Variants in S100PBP observed in about 807,000 individuals in gnomAD.
The protein encoded by S100PBP is S100P binding protein.
Under a neutral mutation model 39.9 loss-of-function variants are expected in S100PBP, and 15 were observed. The ratio of observed to expected loss-of-function variants is 0.38; its 90% confidence interval spans 0.25 to 0.58. The LOEUF is 0.58. Among genes scored for constraint, S100PBP ranks in the 20% least tolerant of loss-of-function variants. The pLI, the probability that S100PBP is intolerant of heterozygous loss-of-function variation, is 0.70. For missense variants in S100PBP, 504 were observed against 487.3 expected (o/e 1.03, Z -0.32); for synonymous variants, 178 against 180.3 (o/e 0.99, Z 0.10).
At chr1:32,817,228 C>T (rs751101041), upstream of S100PBP, 4 of 1,614,186 alleles carry the variant, frequency 2.5e-6, no homozygotes, top group Non-Finnish European at 3.4e-6. Context: ...CTCTTCAGGG[C>T]TGGGAGCGTC....
At chr1:32,817,019 G>C, upstream of S100PBP, 1 of 822,654 alleles carries the variant, frequency 1.2e-6, no homozygotes, top group Non-Finnish European at 2.0e-6. Flanking sequence ...CCCAGGGAAG[G>C]GCTGCTTGAT....
rs763001881 is a variant in S100PBP at position 32,826,676 on chromosome 1, C to G, written c.577C>G (p.Leu193Val). The G allele has an allele frequency of 4.3e-6, 7 of 1,614,052 alleles. No individual in the cohort carries two copies. In the East Asian group the frequency reaches 1.1e-4, roughly 26 times the overall value. The change falls in exon 3 of 7, where the codon CTT becomes GTT. Residue 193 changes from leucine (L) to valine (V), a missense_variant. Coordinates refer to ENST00000373475, the MANE Select transcript of S100PBP (RefSeq NM_022753.4). Reference sequence around the variant, plus strand: ...TGGTCTTAGCCCAAATGAAAGCAAACTTTGTACTGAATCTGAAGGGATCAG... The same window carrying G: ...TGGTCTTAGCCCAAATGAAAGCAAAGTTTGTACTGAATCTGAAGGGATCAG... ...EDGLSPNESKLCTESEGISPN... is the reference protein window; with the variant it reads ...EDGLSPNESKVCTESEGISPN...
chr1:32,820,352 G>A (rs6702920), intron 1 of S100PBP, among the ~76,000 whole-genome samples: 10 of 151,892 alleles, frequency 6.6e-5, no homozygotes, highest in Non-Finnish European at 1.3e-4. Flanking sequence ...CACCATGTTG[G>A]CCAGGCTGGT....
In S100PBP at chr1:32,830,055, G is replaced by A; in HGVS notation, c.1012G>A (p.Asp338Asn). ...SVIAHIEDPE[D>N]TNQGISGELC... is the part of the protein sequence containing the mutation. Reference sequence around the variant, plus strand: ...CATTGCTCATATAGAAGACCCAGAGGACACTAACCAAGGTAACATGGTACC... The same window carrying A: ...CATTGCTCATATAGAAGACCCAGAGAACACTAACCAAGGTAACATGGTACC... Residue 338 changes from aspartate (D) to asparagine (N), a missense_variant, in exon 5 of 7, where the codon GAC (aspartate) becomes AAC (asparagine). By Grantham distance (23) the Asp-to-Asn change is conservative (BLOSUM62 1). Transcript: ENST00000373475. 10 of 1,604,812 alleles carry A rather than the reference G, an allele frequency of 6.2e-6. No homozygotes were observed. Among genetic ancestry groups the A allele is most frequent in the Non-Finnish European group, 8.5e-6 (10 of 1,171,816 alleles).
At chr1:32,831,288 A>C (rs758084209) in intron 5 of S100PBP, among the ~76,000 whole-genome samples, 49 of 152,102 alleles carry the variant, frequency 3.2e-4, no homozygotes, top group Middle Eastern at 3.4e-3. Flanking sequence ...ATAGAATTAC[A>C]TATAAAGTAC....
upstream of S100PBP, chr1:32,817,165 C>A: frequency 6.2e-7 from 1 of 1,614,062 alleles, no homozygotes; most frequent in African/African-American, 1.3e-5. Context: ...CCCAACGGCG[C>A]ATTTCCAACC....
intron 1 of S100PBP, among the ~76,000 whole-genome samples, chr1:32,819,739 A>G (rs912153946): frequency 2.0e-5 from 3 of 152,204 alleles, no homozygotes; most frequent in African/African-American, 7.2e-5. Flanking sequence ...TCAGTTTTAT[A>G]TGAGGATTTC....
At chr1:32,837,181 A>G (rs1639866689) in intron 5 of S100PBP, 1 of 150,356 alleles carries the variant, frequency 6.7e-6, no homozygotes, top group Non-Finnish European at 1.5e-5. Context: ...AAAAAAAAGA[A>G]ATTTGAAGAC....
At chr1:32,843,027 G>T (rs146924790) in intron 5 of S100PBP, 3 of 152,244 alleles carry the variant, frequency 2.0e-5, no homozygotes, top group Non-Finnish European at 2.9e-5. Flanking sequence ...ATATTGTGAT[G>T]CTTTTGTAAA....
At chr1:32,837,909 G>C (rs1639905465) in intron 5 of S100PBP, among the ~76,000 whole-genome samples, 1 of 152,106 alleles carries the variant, frequency 6.6e-6, no homozygotes, top group Non-Finnish European at 1.5e-5. Flanking sequence ...TTTGGCTTAT[G>C]TTCAATTTTT....
At chr1:32,830,989 A>G (rs1639571899) in intron 5 of S100PBP, among the ~76,000 whole-genome samples, 1 of 152,106 alleles carries the variant, frequency 6.6e-6, no homozygotes, top group Non-Finnish European at 1.5e-5. Context: ...CTGAGGCACA[A>G]CAATCACTTG....
chr1:32,851,549 C>T (rs1413385494), intron 5 of S100PBP, among the ~76,000 whole-genome samples: 2 of 151,966 alleles, frequency 1.3e-5, no homozygotes, highest in Non-Finnish European at 2.9e-5. Flanking sequence ...GCCTGTAATC[C>T]CAGCTACTTA....
intron 5 of S100PBP, among the ~76,000 whole-genome samples, chr1:32,840,995 C>T (rs1640064933): frequency 6.6e-6 from 1 of 151,754 alleles, no homozygotes; most frequent in African/African-American, 2.4e-5. Context: ...CCCGTCTCTA[C>T]TAAAAATACA....
intron 1 of S100PBP, among the ~76,000 whole-genome samples, chr1:32,824,328 T>A (rs1171311914): frequency 6.6e-6 from 1 of 152,182 alleles, no homozygotes; most frequent in African/African-American, 2.4e-5. Flanking sequence ...AATTTTTGAG[T>A]TCAGTATTTA....
chr1:32,835,672 G>A (rs1639784630), intron 5 of S100PBP: 1 of 151,770 alleles, frequency 6.6e-6, no homozygotes, highest in South Asian at 2.1e-4. Context: ...TTTTGTGACT[G>A]GCTTATTTCG....
chr1:32,837,451 G>GC (rs1463585284), intron 5 of S100PBP, among the ~76,000 whole-genome samples: 3 of 144,430 alleles, frequency 2.1e-5, no homozygotes, highest in African/African-American at 7.6e-5. Context: ...TGTAATCCCA[G>GC]CTACTCGGGA....
At chr1:32,834,444 T>G (rs565012183) in intron 5 of S100PBP, among the ~76,000 whole-genome samples, 2 of 152,226 alleles carry the variant, frequency 1.3e-5, no homozygotes, top group Non-Finnish European at 2.9e-5. Context: ...TTTAATTTGT[T>G]CCTCCATTCT....
intron 4 of S100PBP, among the ~76,000 whole-genome samples, chr1:32,829,141 A>G (rs896975529): frequency 6.6e-6 from 1 of 152,244 alleles, no homozygotes; most frequent in Non-Finnish European, 1.5e-5. Flanking sequence ...GTGATAATCA[A>G]AAGCTCACAA....
At chr1:32,830,116 C>G in intron 5 of S100PBP, 49 bp downstream of exon 5, 1 of 1,166,030 alleles carries the variant, frequency 8.6e-7, no homozygotes, top group Non-Finnish European at 1.3e-6. Flanking sequence ...ATGTGACTTT[C>G]TCTTTCCGGT....
Sources: allele counts gnomAD v4.1 joint callset (sites outside exome capture counted in the v4.1 genomes callset), GRCh38; gene constraint gnomAD v4.1.1; transcripts MANE v1.5; gene names NCBI Gene and HGNC (gene_info 2026-07-23, HGNC 2026-07-21).